LRTM3: variants seen among roughly 807,000 people sequenced by gnomAD.
LRTM3 encodes leucine-rich repeat transmembrane protein 3.
chr13:102,742,906 T>C, the LRTM3 span: 61 of 1,550,664 alleles, frequency 3.9e-5, 1 homozygote, highest in Admixed American at 9.4e-4. Flanking sequence ...CCTCACTCAG[T>C]TCTGCACAAT....
At chr13:102,745,303 A>G in the LRTM3 span, 21 of 1,550,306 alleles carry the variant, frequency 1.4e-5, no homozygotes, top group Non-Finnish European at 1.8e-5. Flanking sequence ...AAGTAATACT[A>G]TCTTCATGTG....
the LRTM3 span, chr13:102,731,936 C>T: frequency 1.9e-6 from 3 of 1,550,830 alleles, no homozygotes; most frequent in Non-Finnish European, 2.6e-6. Flanking sequence ...TTTAATGATC[C>T]TTGAGACATC....
chr13:102,750,378 A>G, the LRTM3 span: 20 of 1,487,142 alleles, frequency 1.3e-5, 1 homozygote, highest in Admixed American at 2.5e-4. Flanking sequence ...TTTTCTAAAA[A>G]GGTGCCAACT....
chr13:102,729,699 G>C, the LRTM3 span: 1 of 1,552,008 alleles, frequency 6.4e-7, no homozygotes, highest in Non-Finnish European at 8.7e-7. Context: ...ATATCGTCAT[G>C]ATGAGGTTTT....
the LRTM3 span, chr13:102,730,243 G>A: frequency 6.4e-7 from 1 of 1,551,336 alleles, no homozygotes; most frequent in Non-Finnish European, 8.7e-7. Flanking sequence ...CCAAAGGAAT[G>A]CCTGTCTGTA....
the LRTM3 span, chr13:102,742,621 T>C: frequency 2.2e-5 from 34 of 1,550,652 alleles, no homozygotes; most frequent in East Asian, 3.7e-4. Context: ...TAAAGTTCTG[T>C]TTCTGCTCCT....
chr13:102,735,597 C>A, the LRTM3 span: 1 of 1,550,906 alleles, frequency 6.4e-7, no homozygotes, highest in Non-Finnish European at 8.7e-7. Context: ...AATTGCTTTG[C>A]TTTCAGGTCT....
At chr13:102,733,057 T>C in the LRTM3 span, 1 of 1,551,454 alleles carries the variant, frequency 6.4e-7, no homozygotes, top group African/African-American at 1.4e-5. Context: ...GTAGCATCTG[T>C]AGGCTGAGGT....
chr13:102,735,352 T>C, the LRTM3 span: 3 of 1,551,310 alleles, frequency 1.9e-6, no homozygotes, highest in Non-Finnish European at 2.6e-6. Flanking sequence ...GACATGCTAT[T>C]CTCCCTGCAT....
At chr13:102,751,290 C>G in the LRTM3 span, among the ~76,000 whole-genome samples, 1 of 151,476 alleles carries the variant, frequency 6.6e-6, no homozygotes, top group African/African-American at 2.4e-5. Context: ...TGCAAGTCAC[C>G]ACAATTGCTT....
At chr13:102,741,674 A>G in the LRTM3 span, 9 of 1,550,388 alleles carry the variant, frequency 5.8e-6, no homozygotes, top group Non-Finnish European at 7.9e-6. Context: ...AGAAGTATCC[A>G]ACTCTGTAAA....
the LRTM3 span, among the ~76,000 whole-genome samples, chr13:102,756,673 T>TAAAAAAA: frequency 1.5e-3 from 98 of 66,904 alleles, no homozygotes; most frequent in African/African-American, 2.5e-3. Flanking sequence ...AAACTCTGTC[T>TAAAAAAA]AAAAAAAAAA....
At chr13:102,756,423 A>G in the LRTM3 span, among the ~76,000 whole-genome samples, 1 of 151,756 alleles carries the variant, frequency 6.6e-6, no homozygotes, top group African/African-American at 2.4e-5. Context: ...CTGTAATCCC[A>G]GCACTTTGAG....
the LRTM3 span, chr13:102,750,366 T>C: frequency 1.3e-6 from 2 of 1,508,572 alleles, no homozygotes; most frequent in Non-Finnish European, 8.9e-7. Context: ...GAAGTAATTC[T>C]TTTTTCTAAA....
the LRTM3 span, chr13:102,731,647 G>A: frequency 1.8e-3 from 2,843 of 1,551,464 alleles, 57 homozygotes; most frequent in African/African-American, 0.033. Context: ...GGGACTCAGA[G>A]ATAGCTTTGG....
chr13:102,733,912 T>C, the LRTM3 span: 1 of 1,551,174 alleles, frequency 6.4e-7, no homozygotes, highest in Non-Finnish European at 8.7e-7. Context: ...TATTTGTTAT[T>C]TTCTGGGTAT....
chr13:102,745,839 C>G, the LRTM3 span: 2 of 1,551,104 alleles, frequency 1.3e-6, no homozygotes, highest in Middle Eastern at 1.7e-4. Context: ...GGAAATTGAT[C>G]CAGTGTAGGG....
At chr13:102,743,338 G>A in the LRTM3 span, 53 of 1,550,298 alleles carry the variant, frequency 3.4e-5, no homozygotes, top group Non-Finnish European at 4.4e-5. Flanking sequence ...GCCTTTTAAT[G>A]TCAGAGGAAT....
chr13:102,736,369 A>G, the LRTM3 span: 4 of 1,551,008 alleles, frequency 2.6e-6, no homozygotes, highest in Middle Eastern at 3.3e-4. Context: ...TTGCCTTGAA[A>G]ACGGCACCAT....
Sources: gnomAD v4.1 joint callset for allele counts (sites outside exome capture counted in the v4.1 genomes callset) on GRCh38, gnomAD v4.1.1 for gene constraint, MANE v1.5 for transcripts, NCBI Gene and HGNC (gene_info 2026-07-23, HGNC 2026-07-21) for gene names.